FGD5: variants seen among roughly 807,000 people sequenced by gnomAD.
FGD5 encodes the protein FYVE, RhoGEF and PH domain containing 5.
A neutral mutation model predicts 133.4 loss-of-function variants in FGD5; 28 were observed. The ratio of observed to expected loss-of-function variants is 0.21; its 90% confidence interval spans 0.16 to 0.29. The LOEUF (loss-of-function observed/expected upper bound fraction) is 0.29. Among genes scored for constraint, FGD5 ranks in the 10% least tolerant of loss-of-function variants. The pLI is 1.00. For missense variants in FGD5, 1,858 were observed against 1,895.2 expected (o/e 0.98, Z 0.36); for synonymous variants, 810 against 776.5 (o/e 1.04, Z -0.72).
At chr3:14,835,657 A>G (rs571822010) in intron 1 of FGD5, among the ~76,000 whole-genome samples, 1 of 152,362 alleles carries the variant, frequency 6.6e-6, no homozygotes, top group Non-Finnish European at 1.5e-5. Flanking sequence ...GGAAAAGGGA[A>G]GACACCAGTT....
At chr3:14,862,888 G>T (rs1035351755) in intron 1 of FGD5, among the ~76,000 whole-genome samples, 7 of 152,136 alleles carry the variant, frequency 4.6e-5, no homozygotes, top group Non-Finnish European at 1.0e-4. Context: ...CTCTGGCCTT[G>T]GCAGAGCCCC....
intron 1 of FGD5, among the ~76,000 whole-genome samples, chr3:14,823,304 A>G (rs1390807005): frequency 1.3e-5 from 2 of 152,050 alleles, no homozygotes; most frequent in African/African-American, 4.8e-5. Context: ...TGTACTTGAA[A>G]TCCTCCAGCC....
At chr3:14,891,082 G>A (rs976236496) in intron 4 of FGD5, among the ~76,000 whole-genome samples, 3 of 152,178 alleles carry the variant, frequency 2.0e-5, no homozygotes, top group African/African-American at 4.8e-5. Flanking sequence ...AAGAGAGATC[G>A]TTGCCCTCAT....
intron 1 of FGD5, among the ~76,000 whole-genome samples, chr3:14,825,992 A>G (rs532049747): frequency 6.6e-6 from 1 of 150,862 alleles, no homozygotes; most frequent in Admixed American, 6.6e-5. Flanking sequence ...CAGTTATTAC[A>G]TACCTGTTTT....
Position 14,819,395 on chromosome 3 carries a change from A to C in FGD5, c.324A>C (p.Ala108=). ...AGGAGCGTGAAGAGGGAGGCGAGGC[A>C]TGTGGCCTGGAGGGTACAGGAGCTG... ...EEEEREEGGE[A]CGLEGTGAGE... is the part of the protein sequence containing the mutation. Residue 108 remains alanine (A), a synonymous_variant, in exon 1 of 20, where the codon GCA becomes GCC. Coordinates refer to ENST00000285046, the MANE Select transcript of FGD5 (RefSeq NM_152536.4). This position sits in a 1 kb window ranked among gnomAD's most constrained non-coding sequence, Gnocchi z 4.1. The C allele has an allele frequency of 6.5e-7, 1 of 1,549,630 alleles. No individual in the cohort carries two copies. The highest frequency in any genetic ancestry group is 1.4e-5 in the African/African-American group (1 of 72,646).
At chr3:14,838,375 G>C (rs1007361398) in intron 1 of FGD5, among the ~76,000 whole-genome samples, 2 of 152,158 alleles carry the variant, frequency 1.3e-5, no homozygotes, top group Non-Finnish European at 2.9e-5. Flanking sequence ...ACAACCTTAA[G>C]TACGTCTGCA....
At chr3:14,828,147 G>A (rs1008244027) in intron 1 of FGD5, among the ~76,000 whole-genome samples, 1 of 152,114 alleles carries the variant, frequency 6.6e-6, no homozygotes, top group Non-Finnish European at 1.5e-5. Flanking sequence ...AGAGAGAGGG[G>A]GACCAGGTAC....
intron 1 of FGD5, among the ~76,000 whole-genome samples, chr3:14,831,621 G>A (rs1423445482): frequency 6.6e-6 from 1 of 152,174 alleles, no homozygotes; most frequent in Non-Finnish European, 1.5e-5. Flanking sequence ...CCAGAGGGAG[G>A]GTAGGAGGGA....
At position 14,821,405 on chromosome 3, in the gene FGD5, A is replaced by C; in HGVS notation, c.2334A>C (p.Pro778=). Residue 778 remains proline, a synonymous_variant, in exon 1 of 20, where the codon CCA becomes CCC. Coordinates refer to ENST00000285046, the MANE Select transcript of FGD5 (RefSeq NM_152536.4). The stretch of plus-strand genomic sequence containing the variant: ...ACACTTCAGACTATGAGAACATTCC[A>C]GCCATGAACTCGGACTATGAGAATA... ...SADTSDYENI[P]AMNSDYENIQ... is the part of the protein sequence containing the mutation. 6.2e-7 allele frequency: 1 copy of C among 1,614,006 alleles called. No homozygotes were observed. Among genetic ancestry groups the C allele is most frequent in the East Asian group, 2.2e-5 (1 of 44,876 alleles).
At chr3:14,884,039 G>A (rs1476674166) in intron 4 of FGD5, among the ~76,000 whole-genome samples, 1 of 152,200 alleles carries the variant, frequency 6.6e-6, no homozygotes, top group Non-Finnish European at 1.5e-5. Flanking sequence ...AAGCCAGGTA[G>A]GAGGTAGGAT....
intron 4 of FGD5, among the ~76,000 whole-genome samples, chr3:14,885,381 T>G (rs77642437): frequency 0.079 from 12,038 of 152,122 alleles, 718 homozygotes; most frequent in East Asian, 0.29. Flanking sequence ...GTAGATAACC[T>G]CAGTGCCAGG....
At chr3:14,887,913 C>T (rs2037954277) in intron 4 of FGD5, among the ~76,000 whole-genome samples, 1 of 151,976 alleles carries the variant, frequency 6.6e-6, no homozygotes. Flanking sequence ...CACCTGAAGT[C>T]CCAACAATTT....
chr3:14,859,892 A>G (rs1222311388), intron 1 of FGD5, among the ~76,000 whole-genome samples: 1 of 152,102 alleles, frequency 6.6e-6, no homozygotes, highest in Non-Finnish European at 1.5e-5. Flanking sequence ...TCCCCCCCCA[A>G]AAAGGGAAAG....
intron 4 of FGD5, among the ~76,000 whole-genome samples, chr3:14,881,959 G>A (rs1047620128): frequency 6.6e-6 from 1 of 152,186 alleles, no homozygotes; most frequent in Non-Finnish European, 1.5e-5. Flanking sequence ...GTCCCTGTCA[G>A]CAATGTCACC....
rs563609532 is a variant in FGD5, at chr3:14,930,188, G to A, written c.4198-2389G>A. Among the ~76,000 whole-genome samples the A allele has an allele frequency of 2.6e-5, 4 of 152,258 alleles. No homozygotes were observed. The South Asian group carries it at 8.3e-4, about 32-fold the overall frequency. The stretch of plus-strand genomic sequence containing the variant: ...GAGGTCTATTTCTGGACTTTCCATT[G>A]TGTTTCATTCATATATTTACCAATC... On this transcript the variant is annotated intron_variant, in intron 18 of 19. Transcript: ENST00000285046.
chr3:14,854,389 T>TTTTTTTTATTTA lies in FGD5; in HGVS notation c.2526-9736_2526-9735insTTTTATTTATTT, dbSNP rs1215206630. On this transcript the variant is annotated intron_variant, in intron 1 of 19. Transcript: ENST00000285046. The stretch of plus-strand genomic sequence containing the variant: ...GTCCTTTATTTTTTGTTTCTTTTCT[T>TTTTTTTTATTTA]TTTATTTATTTATTTATTTATTTAT... Among the ~76,000 whole-genome samples, 105 of 137,604 alleles carry TTTTTTTTATTTA rather than the reference T, an allele frequency of 7.6e-4. No homozygotes were observed. In the Middle Eastern group the frequency reaches 0.011, roughly 14 times the overall value. 90.3% of individuals were successfully genotyped at this position (137,604 alleles called of 152,430 possible). A position where few individuals can be genotyped will look rare whatever the true frequency, so the allele number is the denominator to read the frequency against.
At chr3:14,900,968 C>G in intron 8 of FGD5, 35 bp from the exon 9 acceptor site, 15 of 1,613,396 alleles carry the variant, frequency 9.3e-6, no homozygotes, top group Non-Finnish European at 1.1e-5. Context: ...GCCCCTCTTG[C>G]AATGGCCCAA....
chr3:14,822,214 A>G (rs7620288), intron 1 of FGD5, among the ~76,000 whole-genome samples: 5,821 of 152,270 alleles, frequency 0.038, 358 homozygotes, highest in African/African-American at 0.13. Flanking sequence ...TTTTGTTTAC[A>G]TTATTTGGGA....
chr3:14,911,118 T>C lies in FGD5; in HGVS notation c.3405+189T>C, dbSNP rs1050347532. On this transcript the variant is annotated intron_variant, in intron 11 of 19. Transcript: ENST00000285046. ...CACCACGCCCACCACTCATTTGTTA[T>C]TTGAATGATTTTGAGTGGAATGTTG... is the stretch of plus-strand genomic sequence containing the variant. Among the ~76,000 whole-genome samples the C allele has an allele frequency of 2.6e-5, 4 of 152,246 alleles. 1 individual carries two copies. The highest frequency in any genetic ancestry group is 2.0e-4 in the Admixed American group (3 of 15,292).
Sources: allele counts gnomAD v4.1 joint callset (sites outside exome capture counted in the v4.1 genomes callset), GRCh38; gene constraint gnomAD v4.1.1; non-coding constraint Gnocchi (gnomAD v3.1); transcripts MANE v1.5; gene names NCBI Gene and HGNC (gene_info 2026-07-23, HGNC 2026-07-21).